GALNTL6: variants seen among roughly 807,000 people sequenced by gnomAD.
The protein encoded by GALNTL6 is polypeptide N-acetylgalactosaminyltransferase like 6, also known as polypeptide N-acetylgalactosaminyltransferase-like 6.
GALNTL6 carries 46 observed loss-of-function variants against 73.7 expected under a neutral mutation model. The observed-to-expected ratio is 0.62, with a 90% CI of 0.49 to 0.80. GALNTL6 has a LOEUF of 0.80. Among genes scored for constraint, GALNTL6 ranks in the 30% least tolerant of loss-of-function variants. The probability of loss-of-function intolerance (pLI) is 0.00; values close to 1 mark genes in which losing one functional copy is unlikely to be tolerated. For synonymous variants in GALNTL6, 259 were observed against 263.7 expected (o/e 0.98, Z 0.17); for missense variants, 604 against 755.0 (o/e 0.80, Z 2.34).
intron 2 of GALNTL6, among the ~76,000 whole-genome samples, chr4:172,175,860 G>A (rs1230623580): frequency 6.6e-6 from 1 of 151,748 alleles, no homozygotes; most frequent in Non-Finnish European, 1.5e-5. Flanking sequence ...TTCCCTCTGT[G>A]TGTGTTTCTT....
At chr4:172,893,507 C>T (rs953473288) in intron 8 of GALNTL6, among the ~76,000 whole-genome samples, 9 of 152,168 alleles carry the variant, frequency 5.9e-5, no homozygotes, top group Non-Finnish European at 1.0e-4. Flanking sequence ...CAAACTACTC[C>T]CAGGCAACCA....
At chr4:172,992,280 A>G (rs1237708774) in intron 10 of GALNTL6, among the ~76,000 whole-genome samples, 1 of 152,232 alleles carries the variant, frequency 6.6e-6, no homozygotes, top group East Asian at 1.9e-4. Context: ...AAATATTTCT[A>G]AAGCAGGCAA....
chr4:172,604,091 C>T (rs1738169652), intron 5 of GALNTL6, among the ~76,000 whole-genome samples: 1 of 152,160 alleles, frequency 6.6e-6, no homozygotes, highest in African/African-American at 2.4e-5. Context: ...TAACATCATG[C>T]TATGTCAAGA....
intron 5 of GALNTL6, among the ~76,000 whole-genome samples, chr4:172,767,085 A>G (rs1738448021): frequency 6.6e-6 from 1 of 152,234 alleles, no homozygotes; most frequent in Non-Finnish European, 1.5e-5. Context: ...CAGTTAATAA[A>G]TAAGAGCTAA....
chr4:172,770,265 C>CAATAAATAAATAAATA lies in GALNTL6; in HGVS notation c.554-39074_554-39059dup, dbSNP rs146415769. ...TGGGCAATAGAGCAGGACTCCATCT[C>CAATAAATAAATAAATA]AATAAATAAATAAATAAATAAATAA... On this transcript the variant is annotated intron_variant, in intron 5 of 12. Coordinates refer to ENST00000506823, the MANE Select transcript of GALNTL6 (RefSeq NM_001034845.3). Among the ~76,000 whole-genome samples, 674 of 141,328 alleles carry CAATAAATAAATAAATA rather than the reference C, an allele frequency of 4.8e-3. 2 individuals are homozygous for CAATAAATAAATAAATA. The highest frequency in any genetic ancestry group is 0.018 in the East Asian group (88 of 4,776). 92.7% of individuals were successfully genotyped at this position (141,328 alleles called of 152,430 possible). A position where few individuals can be genotyped will look rare whatever the true frequency, so the allele number is the denominator to read the frequency against.
At chr4:172,264,228 T>C (rs1320724744) in intron 3 of GALNTL6, among the ~76,000 whole-genome samples, 1 of 151,358 alleles carries the variant, frequency 6.6e-6, no homozygotes, top group Admixed American at 6.6e-5. Flanking sequence ...CACCTTCTCC[T>C]TTTCTCAGAA....
intron 2 of GALNTL6, among the ~76,000 whole-genome samples, chr4:171,856,661 G>A (rs1011353767): frequency 6.6e-6 from 1 of 152,122 alleles, no homozygotes; most frequent in African/African-American, 2.4e-5. Flanking sequence ...GATGTGCAGT[G>A]TGAGAGCACC....
At position 172,433,466 on chromosome 4, in the gene GALNTL6, C is replaced by T. The variant is rs145373865; in HGVS notation, c.553+84777C>T. 2.7e-3 allele frequency among the ~76,000 whole-genome samples: 412 copies of T among 151,646 alleles called. 2 individuals carry two copies. The highest frequency in any genetic ancestry group is 9.1e-3 in the African/African-American group (377 of 41,316). On this transcript the variant is annotated intron_variant, in intron 5 of 12. Coordinates refer to ENST00000506823, the MANE Select transcript of GALNTL6 (RefSeq NM_001034845.3). Reference sequence around the variant, plus strand: ...GGCAGGATTCCCTGCCTGATGGACACGGCTTATAGTGGCCTCAAAGGACCA... The same window carrying T: ...GGCAGGATTCCCTGCCTGATGGACATGGCTTATAGTGGCCTCAAAGGACCA...
chr4:172,921,703 G>A (rs894494522), intron 8 of GALNTL6, among the ~76,000 whole-genome samples: 5 of 151,054 alleles, frequency 3.3e-5, no homozygotes, highest in African/African-American at 4.9e-5. Context: ...CCTGAGGCAG[G>A]AGAATCACTT....
At chr4:172,194,455 T>C (rs1097440) in intron 2 of GALNTL6, among the ~76,000 whole-genome samples, 151,967 of 152,288 alleles carry the variant, frequency 1, 75,826 homozygotes, top group Non-Finnish European at 1. Flanking sequence ...CCAGAGAAGC[T>C]CAGTAGGATA....
intron 5 of GALNTL6, among the ~76,000 whole-genome samples, chr4:172,470,567 C>T (rs1449166854): frequency 6.6e-6 from 1 of 152,020 alleles, no homozygotes; most frequent in Admixed American, 6.5e-5. Context: ...ATAAGAAGTG[C>T]CAGTATATTG....
At chr4:171,908,703 A>T (rs75932098) in intron 2 of GALNTL6, among the ~76,000 whole-genome samples, 43,742 of 149,748 alleles carry the variant, frequency 0.29, 7,959 homozygotes, top group African/African-American at 0.48. Context: ...ACGTATGTTT[A>T]TTGCGGCACT....
At chr4:172,880,395 G>A (rs544286951) in intron 7 of GALNTL6, among the ~76,000 whole-genome samples, 4 of 152,134 alleles carry the variant, frequency 2.6e-5, no homozygotes, top group Admixed American at 2.6e-4. Flanking sequence ...AATGGAAGAA[G>A]ACAGACCCCC....
At chr4:172,116,657 T>C (rs1199979394) in intron 2 of GALNTL6, among the ~76,000 whole-genome samples, 1 of 152,102 alleles carries the variant, frequency 6.6e-6, no homozygotes, top group Non-Finnish European at 1.5e-5. Flanking sequence ...AAAAACAAGG[T>C]CTCCAATCAC....
chr4:172,409,356 T>C (rs941581176), intron 5 of GALNTL6, among the ~76,000 whole-genome samples: 2 of 152,016 alleles, frequency 1.3e-5, no homozygotes, highest in Non-Finnish European at 2.9e-5. Context: ...ATATAGCTCA[T>C]AGGACTTAAA....
At chr4:172,065,262 C>T (rs181050733) in intron 2 of GALNTL6, among the ~76,000 whole-genome samples, 617 of 152,186 alleles carry the variant, frequency 4.1e-3, no homozygotes, top group East Asian at 0.015. Context: ...CCCTCACATG[C>T]GCAGTTCACA....
chr4:171,856,541 T>C (rs1735697395), intron 2 of GALNTL6, among the ~76,000 whole-genome samples: 1 of 152,180 alleles, frequency 6.6e-6, no homozygotes, highest in Admixed American at 6.5e-5. Context: ...AGGTTTATGG[T>C]TTTGAATATT....
intron 5 of GALNTL6, among the ~76,000 whole-genome samples, chr4:172,637,059 A>G (rs1299528794): frequency 6.6e-6 from 1 of 152,186 alleles, no homozygotes; most frequent in Non-Finnish European, 1.5e-5. Context: ...CTGGGTAAAC[A>G]GCCAAACTAA....
At chr4:172,217,296 T>C (rs1736526258) in intron 2 of GALNTL6, among the ~76,000 whole-genome samples, 1 of 152,174 alleles carries the variant, frequency 6.6e-6, no homozygotes, top group Non-Finnish European at 1.5e-5. Flanking sequence ...TTTGACTTCT[T>C]TGTTACATAA....
Sources: allele counts gnomAD v4.1 joint callset (sites outside exome capture counted in the v4.1 genomes callset), GRCh38; gene constraint gnomAD v4.1.1; transcripts MANE v1.5; gene names NCBI Gene and HGNC (gene_info 2026-07-23, HGNC 2026-07-21).